Variants in NMT2 observed in about 807,000 individuals in gnomAD.
NMT2 encodes the protein glycylpeptide N-tetradecanoyltransferase 2.
A neutral mutation model predicts 65.4 loss-of-function variants in NMT2; 35 were observed. That is an observed-to-expected ratio of 0.54 (90% CI 0.41 to 0.71). The LOEUF (loss-of-function observed/expected upper bound fraction) is 0.71. Ranked by LOEUF, NMT2 falls within the 30% of genes least tolerant of loss-of-function variation. The pLI, the probability that NMT2 is intolerant of heterozygous loss-of-function variation, is 0.00. For missense variants in NMT2, 489 were observed against 611.3 expected (o/e 0.80, Z 2.11); for synonymous variants, 226 against 231.8 (o/e 0.98, Z 0.23).
intron 2 of NMT2, among the ~76,000 whole-genome samples, chr10:15,135,914 A>AAGAGAAAGAGAG (rs2131556880): frequency 1.3e-5 from 2 of 150,698 alleles, no homozygotes; most frequent in Admixed American, 1.3e-4. Context: ...AAAACAAAGA[A>AAGAGAAAGAGAG]AGAGAAAGAG....
intron 9 of NMT2, 84 bp from the exon 10 acceptor site, chr10:15,113,047 C>G: frequency 7.3e-7 from 1 of 1,365,812 alleles, no homozygotes; most frequent in South Asian, 1.2e-5. Flanking sequence ...CTCTCCCTTG[C>G]CCCAGAGAAC....
intron 8 of NMT2, among the ~76,000 whole-genome samples, chr10:15,127,624 T>C (rs1458688548): frequency 6.6e-6 from 1 of 150,408 alleles, no homozygotes; most frequent in Admixed American, 6.6e-5. Flanking sequence ...AACTTTTCGC[T>C]GGGTGCAGTG....
At chr10:15,116,385 A>G (rs1272895823) in intron 9 of NMT2, among the ~76,000 whole-genome samples, 1 of 152,216 alleles carries the variant, frequency 6.6e-6, no homozygotes. Flanking sequence ...GTGAATGACA[A>G]CGAAGATACA....
At chr10:15,149,513 A>ATCACCACCATCATTT (rs1256107463) in intron 1 of NMT2, among the ~76,000 whole-genome samples, 18 of 13,936 alleles carry the variant, frequency 1.3e-3, no homozygotes, top group African/African-American at 3.2e-3. Flanking sequence ...CACCATCATT[A>ATCACCACCATCATTT]TCACCACCAT....
intron 1 of NMT2, among the ~76,000 whole-genome samples, chr10:15,153,976 G>C (rs535047780): frequency 3.3e-5 from 5 of 152,198 alleles, no homozygotes; most frequent in Admixed American, 3.3e-4. Flanking sequence ...TTATTAGTTA[G>C]TATACAGGTT....
At chr10:15,113,463 C>CAAAAAAAAAAAAAAAAAAAAAAAAAA (rs1169255963) in intron 9 of NMT2, among the ~76,000 whole-genome samples, 2 of 37,000 alleles carry the variant, frequency 5.4e-5, no homozygotes, top group African/African-American at 1.8e-4. Flanking sequence ...GGATGAGACT[C>CAAAAAAAAAAAAAAAAAAAAAAAAAA]AAAAAAAAAA....
At chr10:15,147,299 T>C (rs1847000786) in intron 1 of NMT2, among the ~76,000 whole-genome samples, 2 of 152,070 alleles carry the variant, frequency 1.3e-5, no homozygotes. Flanking sequence ...ATTTCCCCCC[T>C]GAATTTCCAA....
chr10:15,158,406 C>T (rs1402794239), intron 1 of NMT2, among the ~76,000 whole-genome samples: 1 of 151,468 alleles, frequency 6.6e-6, no homozygotes, highest in Admixed American at 6.6e-5. Flanking sequence ...TATAGCAGAC[C>T]AAAACTAAAA....
At chr10:15,142,947 C>G (rs945523533) in intron 1 of NMT2, among the ~76,000 whole-genome samples, 10 of 152,124 alleles carry the variant, frequency 6.6e-5, no homozygotes, top group Admixed American at 4.6e-4. Flanking sequence ...TTGCTGGCAC[C>G]CTGTGAATTG....
rs757410969 is a variant in NMT2, at chr10:15,168,497, C to G, written c.110+6G>C. ...CGCGCCCGGTGCGCCAGCGCGCCGC[C>G]CCTACCCTTTGGCGTGCTCCGTCTC... On this transcript the variant is annotated splice_donor_region_variant and intron_variant, in intron 1 of 11. Coordinates refer to ENST00000378165, the MANE Select transcript of NMT2 (RefSeq NM_004808.3). The G allele has an allele frequency of 5.7e-6, 9 of 1,578,860 alleles. No individual in the cohort carries two copies. Among genetic ancestry groups the G allele is most frequent in the African/African-American group, 1.4e-5 (1 of 71,430 alleles).
intron 1 of NMT2, among the ~76,000 whole-genome samples, chr10:15,143,978 A>G (rs76010542): frequency 0.032 from 4,843 of 152,288 alleles, 67 homozygotes; most frequent in Middle Eastern, 0.048. Flanking sequence ...TTTCACCAAA[A>G]AATCCTTAAG....
intron 6 of NMT2, among the ~76,000 whole-genome samples, chr10:15,131,060 T>C (rs1380039413): frequency 6.6e-6 from 1 of 152,048 alleles, no homozygotes; most frequent in Non-Finnish European, 1.5e-5. Flanking sequence ...AGTGCTGGGA[T>C]TATAGGCGTG....
chr10:15,108,791 A>G lies in NMT2; in HGVS notation c.*404T>C. Reference sequence around the variant, plus strand: ...GTTCTGTTACATGGACAAATGTACCATCACTTAAGAAACAGAAATGCAGCA... The same window carrying G: ...GTTCTGTTACATGGACAAATGTACCGTCACTTAAGAAACAGAAATGCAGCA... On this transcript the variant is annotated 3_prime_UTR_variant, in exon 12 of 12. Transcript: ENST00000378165. The G allele has an allele frequency of 9.7e-7, 1 of 1,035,074 alleles. No homozygotes were observed. The highest frequency in any genetic ancestry group is 1.2e-6 in the Non-Finnish European group (1 of 863,196). 64.1% of individuals were successfully genotyped at this position (1,035,074 alleles called of 1,614,324 possible).
chr10:15,121,046 A>C (rs969861460), intron 8 of NMT2, among the ~76,000 whole-genome samples: 2 of 152,214 alleles, frequency 1.3e-5, no homozygotes, highest in Non-Finnish European at 2.9e-5. Context: ...TTTGCTCTCT[A>C]GAACTGTTCA....
In NMT2 at chr10:15,108,554, G is replaced by A. The variant is rs1460352133; in HGVS notation, c.*641C>T. Reference sequence around the variant, plus strand: ...GCTTTTGAAGCAATCCACTGACCTGGTAAAGATCAAAGTACAAACTTGCAT... The same window carrying A: ...GCTTTTGAAGCAATCCACTGACCTGATAAAGATCAAAGTACAAACTTGCAT... On this transcript the variant is annotated 3_prime_UTR_variant, in exon 12 of 12. Coordinates refer to ENST00000378165, the MANE Select transcript of NMT2 (RefSeq NM_004808.3). 8 of 985,798 alleles carry A rather than the reference G, an allele frequency of 8.1e-6. No individual in the cohort carries two copies. Among genetic ancestry groups the A allele is most frequent in the South Asian group, 4.7e-5 (1 of 21,308 alleles). The allele number at this position is 985,798 out of a possible 1,614,324, so 61.1% of individuals were successfully genotyped here.
intron 1 of NMT2, among the ~76,000 whole-genome samples, chr10:15,160,628 G>A (rs948540126): frequency 6.6e-6 from 1 of 151,904 alleles, no homozygotes. Context: ...ACAAAAATTA[G>A]CTAGGCATGG....
intron 1 of NMT2, among the ~76,000 whole-genome samples, chr10:15,143,901 A>C (rs1008021399): frequency 2.6e-5 from 4 of 152,186 alleles, no homozygotes; most frequent in Non-Finnish European, 5.9e-5. Flanking sequence ...ATAGTCTCTA[A>C]AACAGATAAA....
At chr10:15,144,705 TG>T (rs776589386) in intron 1 of NMT2, among the ~76,000 whole-genome samples, 1 of 151,182 alleles carries the variant, frequency 6.6e-6, no homozygotes, top group Non-Finnish European at 1.5e-5. Context: ...CACTCCAGCC[TG>T]GGCGACAGAG....
At chr10:15,147,024 T>C (rs1277848800) in intron 1 of NMT2, among the ~76,000 whole-genome samples, 1 of 138,838 alleles carries the variant, frequency 7.2e-6, no homozygotes, top group African/African-American at 2.7e-5. Flanking sequence ...GCCCAGGAGG[T>C]CAAGGTTGCA....
Sources: allele counts gnomAD v4.1 joint callset (sites outside exome capture counted in the v4.1 genomes callset), GRCh38; gene constraint gnomAD v4.1.1; transcripts MANE v1.5; gene names NCBI Gene and HGNC (gene_info 2026-07-23, HGNC 2026-07-21).